GRM1: variants seen among roughly 807,000 people sequenced by gnomAD.
GRM1 encodes metabotropic glutamate receptor 1.
In GRM1, 33 loss-of-function variants were observed where a neutral mutation model predicts 90.9. The ratio of observed to expected loss-of-function variants is 0.36; its 90% CI spans 0.28 to 0.49. The LOEUF (loss-of-function observed/expected upper bound fraction) is 0.49, where lower values mean the gene tolerates loss of function less well. GRM1 is among the 20% of genes least tolerant of loss of function. GRM1 has a pLI of 0.99. For synonymous variants in GRM1, 700 were observed against 613.2 expected, an observed-to-expected ratio of 1.14 and a Z score of -2.09; for missense variants, 1,190 against 1,534.3, an observed-to-expected ratio of 0.78 and a Z score of 3.75.
At chr6:146,321,324 G>C (rs1784182088) in intron 3 of GRM1, among the ~76,000 whole-genome samples, 2 of 152,344 alleles carry the variant, frequency 1.3e-5, no homozygotes, top group South Asian at 4.1e-4. Context: ...TGACTACGCT[G>C]TCGTCTGCGA....
At chr6:146,308,639 T>C (rs1223295537) in intron 3 of GRM1, among the ~76,000 whole-genome samples, 2 of 152,316 alleles carry the variant, frequency 1.3e-5, no homozygotes, top group Non-Finnish European at 2.9e-5. Context: ...AATTTTTTTC[T>C]GATGATGAAA....
chr6:146,228,568 G>A (rs114876468), intron 2 of GRM1, among the ~76,000 whole-genome samples: 337 of 152,196 alleles, frequency 2.2e-3, no homozygotes, highest in African/African-American at 7.8e-3. Flanking sequence ...CATAGCAACC[G>A]GGAACCTAGG....
intron 2 of GRM1, among the ~76,000 whole-genome samples, chr6:146,187,044 T>A (rs1292415666): frequency 6.6e-6 from 1 of 152,156 alleles, no homozygotes; most frequent in Non-Finnish European, 1.5e-5. Flanking sequence ...AAATGCAATA[T>A]TACTATGTAT....
intron 1 of GRM1, among the ~76,000 whole-genome samples, chr6:146,145,831 C>T (rs1405102695): frequency 6.6e-6 from 1 of 152,118 alleles, no homozygotes; most frequent in African/African-American, 2.4e-5. Flanking sequence ...TATAGAGCTA[C>T]CAGTGTGCAG....
intron 4 of GRM1, 100 bp downstream of exon 4, chr6:146,352,596 A>G (rs994158959): frequency 2.8e-5 from 33 of 1,180,672 alleles, no homozygotes; most frequent in South Asian, 2.0e-4. Context: ...TCTGGGTGCC[A>G]TGAGGATAGA....
intron 5 of GRM1, among the ~76,000 whole-genome samples, chr6:146,358,553 G>A (rs1785679652): frequency 6.6e-6 from 1 of 152,186 alleles, no homozygotes; most frequent in African/African-American, 2.4e-5. Flanking sequence ...TGGAGCTGGG[G>A]TAGATCAGGC....
At chr6:146,306,282 A>T (rs2114929982) in intron 3 of GRM1, among the ~76,000 whole-genome samples, 1 of 152,320 alleles carries the variant, frequency 6.6e-6, no homozygotes, top group South Asian at 2.1e-4. Context: ...AATAATAGAT[A>T]AACCAAGAAT....
intron 1 of GRM1, among the ~76,000 whole-genome samples, chr6:146,050,164 T>C (rs945069229): frequency 2.0e-5 from 3 of 152,158 alleles, no homozygotes; most frequent in African/African-American, 7.2e-5. Flanking sequence ...AATCAGGTCC[T>C]GGAGCTATAT....
chr6:146,262,492 C>T (rs1250409262), intron 2 of GRM1, among the ~76,000 whole-genome samples: 1 of 151,630 alleles, frequency 6.6e-6, no homozygotes, highest in African/African-American at 2.4e-5. Flanking sequence ...ATGCATGAAT[C>T]AAAAAGGAAA....
At chr6:146,307,304 C>G (rs1437294787) in intron 3 of GRM1, among the ~76,000 whole-genome samples, 2 of 152,088 alleles carry the variant, frequency 1.3e-5, no homozygotes, top group African/African-American at 4.8e-5. Flanking sequence ...ATTCTGGAGT[C>G]AAGTTCAGCA....
At chr6:146,165,544 A>G (rs1271613888) in intron 2 of GRM1, among the ~76,000 whole-genome samples, 1 of 152,094 alleles carries the variant, frequency 6.6e-6, no homozygotes, top group Non-Finnish European at 1.5e-5. Flanking sequence ...GCAGATAAGC[A>G]TTTTCTGATG....
At chr6:146,254,503 G>C (rs933213605) in intron 2 of GRM1, among the ~76,000 whole-genome samples, 4 of 152,118 alleles carry the variant, frequency 2.6e-5, no homozygotes, top group Admixed American at 2.6e-4. Context: ...CTTTTGACGT[G>C]TTTTGATCAC....
At chr6:146,115,770 T>C (rs551788985) in intron 1 of GRM1, among the ~76,000 whole-genome samples, 1 of 152,292 alleles carries the variant, frequency 6.6e-6, no homozygotes, top group South Asian at 2.1e-4. Flanking sequence ...GATATTCTTG[T>C]ATCTGGTCAC....
At chr6:146,238,226 G>A in intron 2 of GRM1, among the ~76,000 whole-genome samples, 1 of 152,224 alleles carries the variant, frequency 6.6e-6, no homozygotes, top group East Asian at 1.9e-4. Context: ...ATTCAGAACT[G>A]ATAAATAAAT....
intron 3 of GRM1, among the ~76,000 whole-genome samples, chr6:146,312,909 C>T (rs1482230628): frequency 6.6e-6 from 1 of 152,198 alleles, no homozygotes; most frequent in African/African-American, 2.4e-5. Flanking sequence ...CCAGGCATGT[C>T]TTAAAGAGCC....
chr6:146,219,578 T>C lies in GRM1; in HGVS notation c.950+59981T>C, dbSNP rs764578075. ...AGGGGGAGGAAGAGAATAGGAAATA[T>C]TGGTATGTAAGACATAGTGAAGATT... On this transcript the variant is annotated intron_variant, in intron 2 of 7. Coordinates refer to ENST00000282753, the MANE Select transcript of GRM1 (RefSeq NM_001278064.2). Among the ~76,000 whole-genome samples, 9 of 152,090 alleles carry C rather than the reference T, an allele frequency of 5.9e-5. No individual in the cohort carries two copies. In the South Asian group the frequency reaches 6.2e-4, roughly 11 times the overall value.
intron 1 of GRM1, among the ~76,000 whole-genome samples, chr6:146,137,099 C>T (rs1411646248): frequency 3.3e-5 from 5 of 151,988 alleles, no homozygotes; most frequent in Non-Finnish European, 5.9e-5. Context: ...GTAATCCACC[C>T]GCCTTGGCCT....
chr6:146,175,456 C>T (rs907599329), intron 2 of GRM1, among the ~76,000 whole-genome samples: 2 of 152,094 alleles, frequency 1.3e-5, no homozygotes, highest in African/African-American at 2.4e-5. Context: ...TCAGGTAAAG[C>T]CTCTCACAAG....
chr6:146,118,294 G>A (rs1224627474), intron 1 of GRM1, among the ~76,000 whole-genome samples: 1 of 151,186 alleles, frequency 6.6e-6, no homozygotes, highest in African/African-American at 2.4e-5. Context: ...CGCCCACCAC[G>A]ACGCCCAGCT....
Sources: allele counts gnomAD v4.1 joint callset (sites outside exome capture counted in the v4.1 genomes callset), GRCh38; gene constraint gnomAD v4.1.1; transcripts MANE v1.5; gene names NCBI Gene and HGNC (gene_info 2026-07-23, HGNC 2026-07-21).